The following TMPRSS6 variants were observed in gnomAD, a reference collection of about 807,000 sequenced individuals.
TMPRSS6 encodes transmembrane serine protease 6.
In TMPRSS6, 67 loss-of-function variants were observed where a neutral mutation model predicts 101.5. That is an observed-to-expected ratio of 0.66 (90% confidence interval 0.54 to 0.81). The LOEUF (loss-of-function observed/expected upper bound fraction) is 0.81. Among genes scored for constraint, TMPRSS6 ranks in the 30% least tolerant of loss-of-function variants. The probability of loss-of-function intolerance (pLI) is 0.00; values close to 1 mark genes in which losing one functional copy is unlikely to be tolerated. For missense variants in TMPRSS6, 1,034 were observed against 1,088.7 expected (o/e 0.95, Z 0.71); for synonymous variants, 453 against 464.9 (o/e 0.97, Z 0.33).
At chr22:37,087,018 T>C (rs1928844422) in intron 7 of TMPRSS6, among the ~76,000 whole-genome samples, 1 of 152,212 alleles carries the variant, frequency 6.6e-6, no homozygotes, top group Non-Finnish European at 1.5e-5. Flanking sequence ...TGGGGTCAGC[T>C]GCTTGATTTC....
chr22:37,104,954 C>G (rs969233649), intron 1 of TMPRSS6, among the ~76,000 whole-genome samples: 1 of 146,190 alleles, frequency 6.8e-6, no homozygotes, highest in Non-Finnish European at 1.5e-5. Context: ...GAGCAAGACT[C>G]TGCTTGAGAA....
chr22:37,075,591 A>G (rs1475784634), intron 10 of TMPRSS6, among the ~76,000 whole-genome samples: 4 of 152,148 alleles, frequency 2.6e-5, no homozygotes, highest in Non-Finnish European at 5.9e-5. Context: ...TTTGAGCCTC[A>G]CCTTCCTCCC....
intron 1 of TMPRSS6, among the ~76,000 whole-genome samples, chr22:37,106,869 C>T (rs1238576333): frequency 6.6e-6 from 1 of 152,190 alleles, no homozygotes; most frequent in African/African-American, 2.4e-5. Flanking sequence ...GGAACTCTTA[C>T]CAGGCGACCT....
intron 7 of TMPRSS6, 131 bp downstream of exon 7, chr22:37,089,447 C>T: frequency 1.1e-6 from 1 of 883,256 alleles, no homozygotes. Flanking sequence ...AGCTAGCCGT[C>T]CTGTCTCCCA....
At chr22:37,080,470 T>G (rs1227372898) in intron 10 of TMPRSS6, among the ~76,000 whole-genome samples, 1 of 152,280 alleles carries the variant, frequency 6.6e-6, no homozygotes, top group African/African-American at 2.4e-5. Flanking sequence ...TAAAGTGCCT[T>G]GTCTGAAAAT....
intron 11 of TMPRSS6, 47 bp downstream of exon 11, chr22:37,075,088 G>A (rs1286720053): frequency 6.2e-7 from 1 of 1,613,464 alleles, no homozygotes; most frequent in Non-Finnish European, 8.5e-7. Flanking sequence ...GGATGGCCAA[G>A]AGGCAGCGAG....
At chr22:37,087,529 G>A (rs1928881671) in intron 7 of TMPRSS6, among the ~76,000 whole-genome samples, 1 of 152,150 alleles carries the variant, frequency 6.6e-6, no homozygotes, top group Non-Finnish European at 1.5e-5. Context: ...CGGGGATGGG[G>A]CATTTCCCCT....
chr22:37,099,278 C>T (rs1174904942), intron 2 of TMPRSS6, among the ~76,000 whole-genome samples: 2 of 152,184 alleles, frequency 1.3e-5, no homozygotes, highest in Non-Finnish European at 2.9e-5. Flanking sequence ...GCACGGGGAC[C>T]ATGGTGAGGA....
chr22:37,071,044 G>C lies in TMPRSS6; in HGVS notation c.1556-12C>G, dbSNP rs1926851697. The C allele has an allele frequency of 4.3e-6, 7 of 1,611,568 alleles. No homozygotes were observed. Among genetic ancestry groups the C allele is most frequent in the Non-Finnish European group, 5.9e-6 (7 of 1,179,134 alleles). ...CCCACATGGCACCCCTGGGACAGAG[G>C]GGATGGGGGCAGGGCACAGAAGGTG... On this transcript the variant is annotated splice_polypyrimidine_tract_variant and intron_variant, in intron 13 of 17. Coordinates refer to ENST00000676104, the MANE Select transcript of TMPRSS6 (RefSeq NM_001374504.1).
chr22:37,091,370 AG>A (rs1929246286), intron 6 of TMPRSS6, among the ~76,000 whole-genome samples: 1 of 152,192 alleles, frequency 6.6e-6, no homozygotes, highest in Non-Finnish European at 1.5e-5. Context: ...GGCAAGCAAA[AG>A]TCCCCCTGTC....
intron 10 of TMPRSS6, among the ~76,000 whole-genome samples, chr22:37,077,961 G>T (rs935396898): frequency 2.0e-5 from 3 of 152,230 alleles, no homozygotes; most frequent in African/African-American, 7.2e-5. Flanking sequence ...GCCGGTGGGG[G>T]ACGAGGCACC....
At chr22:37,095,702 G>C in intron 5 of TMPRSS6, 110 bp from the exon 6 acceptor site, 1 of 1,305,066 alleles carries the variant, frequency 7.7e-7, no homozygotes, top group South Asian at 1.3e-5. Context: ...AGCCTTGTCT[G>C]AGATTTACCC....
chr22:37,075,056 ACAGCCCCCTT>A, intron 11 of TMPRSS6, 69 bp downstream of exon 11: 1 of 1,608,086 alleles, frequency 6.2e-7, no homozygotes, highest in Non-Finnish European at 8.5e-7. Context: ...GCAGCTGCCC[ACAGCCCCCTT>A]GGTGGTTCCA....
At chr22:37,081,172 T>TAG (rs929705265) in intron 10 of TMPRSS6, among the ~76,000 whole-genome samples, 2 of 152,234 alleles carry the variant, frequency 1.3e-5, no homozygotes, top group African/African-American at 2.4e-5. Context: ...CCTCAGCTTG[T>TAG]GCCTGCCCAG....
intron 1 of TMPRSS6, among the ~76,000 whole-genome samples, chr22:37,104,531 A>G (rs914623319): frequency 1.9e-4 from 29 of 152,234 alleles, no homozygotes; most frequent in African/African-American, 6.0e-4. Context: ...AAACATCCCA[A>G]TGTATTTGGC....
In TMPRSS6 at chr22:37,069,034, G is replaced by A; in HGVS notation, c.2113+39C>T. ...AGGTGTTACGGCGCAGATCCGCACGGTCTCCCTCCGCCTCCCGCCGCAAGT... is the reference window on the plus strand; with the variant it reads ...AGGTGTTACGGCGCAGATCCGCACGATCTCCCTCCGCCTCCCGCCGCAAGT... On this transcript the variant is annotated intron_variant, in intron 16 of 17. Transcript: ENST00000676104. The surrounding 1 kb of genome is among the most constrained non-coding windows in gnomAD (Gnocchi z 4.8). The A allele has an allele frequency of 1.3e-6, 2 of 1,533,424 alleles. No individual in the cohort carries two copies. Among genetic ancestry groups the A allele is most frequent in the Non-Finnish European group, 1.7e-6 (2 of 1,146,268 alleles). 95.0% of individuals were successfully genotyped at this position (1,533,424 alleles called of 1,614,324 possible).
chr22:37,105,630 C>G (rs569555990), intron 1 of TMPRSS6, among the ~76,000 whole-genome samples: 1 of 152,232 alleles, frequency 6.6e-6, no homozygotes, highest in Admixed American at 6.5e-5. Context: ...TTCAGTCCCT[C>G]GTCCCCTCCC....
At chr22:37,073,014 A>G (rs1927263295) in intron 13 of TMPRSS6, among the ~76,000 whole-genome samples, 1 of 147,048 alleles carries the variant, frequency 6.8e-6, no homozygotes. Context: ...TGGATGATGG[A>G]TGGATGGATG....
chr22:37,107,916 G>A (rs1930815498), intron 1 of TMPRSS6, among the ~76,000 whole-genome samples: 1 of 152,156 alleles, frequency 6.6e-6, no homozygotes, highest in Non-Finnish European at 1.5e-5. Flanking sequence ...CCTCCTCCCT[G>A]TCTGTAAGCT....
Sources: allele counts gnomAD v4.1 joint callset (sites outside exome capture counted in the v4.1 genomes callset), GRCh38; gene constraint gnomAD v4.1.1; non-coding constraint Gnocchi (gnomAD v3.1); transcripts MANE v1.5; gene names NCBI Gene and HGNC (gene_info 2026-07-23, HGNC 2026-07-21).